The following ANXA7 variants were observed in gnomAD, a reference collection of about 807,000 sequenced individuals.
The protein encoded by ANXA7 is annexin A7, also known as annexin VII.
ANXA7 carries 55 observed loss-of-function variants against 64.9 expected under a neutral mutation model. The observed-to-expected ratio is 0.85, with a 90% CI of 0.68 to 1.06. The LOEUF (loss-of-function observed/expected upper bound fraction) is 1.06, where lower values mean the gene tolerates loss of function less well. Ranked by LOEUF, ANXA7 falls within the 50% of genes least tolerant of loss-of-function variation. The probability of loss-of-function intolerance (pLI) is 0.00; values close to 1 mark genes in which losing one functional copy is unlikely to be tolerated. For synonymous variants in ANXA7, 200 were observed against 192.4 expected, an observed-to-expected ratio of 1.04 and a Z score of -0.33; for missense variants, 548 against 582.1, an observed-to-expected ratio of 0.94 and a Z score of 0.60.
intron 5 of ANXA7, among the ~76,000 whole-genome samples, chr10:73,396,264 C>T (rs1304540736): frequency 2.0e-5 from 3 of 152,096 alleles, no homozygotes; most frequent in Non-Finnish European, 4.4e-5. Context: ...AAACCAAGAC[C>T]CCAGGTTAAT....
Position 73,383,593 on chromosome 10 carries a change from A to T in ANXA7, c.731T>A (p.Leu244Ter). The change falls in exon 8 of 13, where the codon TTA becomes TAA. Residue 244 changes from leucine to a stop codon, truncating the protein, a stop_gained. Coordinates refer to ENST00000372921, the MANE Select transcript of ANXA7 (RefSeq NM_001156.5). LOFTEE classifies it high-confidence loss of function. ...TAGTAGTACCTGCATTGCTTTCCGT[A>T]AGCTCCAGGCATCGTAATACGTAGG... is the stretch of plus-strand genomic sequence containing the variant. ...MPPTYYDAWS[L>*]RKAMQGAGTQ... 6.2e-7 allele frequency: 1 copy of T among 1,612,168 alleles called. No individual in the cohort carries two copies. Among genetic ancestry groups the T allele is most frequent in the Non-Finnish European group, 8.5e-7 (1 of 1,178,358 alleles).
intron 5 of ANXA7, chr10:73,396,248 G>A (rs751005005): frequency 4.6e-6 from 3 of 656,732 alleles, no homozygotes; most frequent in Non-Finnish European, 8.0e-6. Flanking sequence ...AGAGGAAAAA[G>A]AACTAAAACC....
intron 1 of ANXA7, among the ~76,000 whole-genome samples, chr10:73,412,795 C>CTTTTTTTTTTTTTTTTTTTTTTTTT (rs55814659): frequency 7.6e-6 from 1 of 131,626 alleles, no homozygotes; most frequent in African/African-American, 2.8e-5. Flanking sequence ...CGCGCTCGGG[C>CTTTTTTTTTTTTTTTTTTTTTTTTT]TTTTTTTTTT....
At chr10:73,408,460 A>G (rs2055792019) in intron 1 of ANXA7, 1 of 152,224 alleles carries the variant, frequency 6.6e-6, no homozygotes, top group African/African-American at 2.4e-5. Flanking sequence ...ATGCAGTTAC[A>G]GTACCAAAGA....
At chr10:73,407,077 T>C (rs1198461636) in intron 1 of ANXA7, among the ~76,000 whole-genome samples, 1 of 152,140 alleles carries the variant, frequency 6.6e-6, no homozygotes, top group African/African-American at 2.4e-5. Context: ...TAAAATAGTG[T>C]TTCTCAATGT....
At chr10:73,383,522 G>C in intron 8 of ANXA7, 55 bp downstream of exon 8, 2 of 1,412,198 alleles carry the variant, frequency 1.4e-6, no homozygotes, top group Non-Finnish European at 2.0e-6. Context: ...TAATTTGTAC[G>C]GTTTTACATA....
chr10:73,393,700 C>A (rs1161172818), intron 5 of ANXA7, among the ~76,000 whole-genome samples: 2 of 152,022 alleles, frequency 1.3e-5, no homozygotes, highest in South Asian at 2.1e-4. Flanking sequence ...CCTTATACAA[C>A]AATTAATTCA....
At position 73,383,181 on chromosome 10, in the gene ANXA7, C is replaced by A. The variant is rs780080745; in HGVS notation, c.912G>T (p.Met304Ile). 2 of 1,612,216 alleles carry A rather than the reference C, an allele frequency of 1.2e-6. No individual in the cohort carries two copies. The highest frequency in any genetic ancestry group is 4.5e-5 in the East Asian group (2 of 44,824). ...SGHFERLLVSMCQGNRDENQS... is the reference protein window; with the variant it reads ...SGHFERLLVSICQGNRDENQS... Reference sequence around the variant, plus strand: ...GCATTCATACTATACTCACCTGGCACATGGACACAAGTAAACGTTCAAAAT... The same window carrying A: ...GCATTCATACTATACTCACCTGGCAAATGGACACAAGTAAACGTTCAAAAT... Residue 304 changes from methionine to isoleucine, a missense_variant, in exon 9 of 13, where the codon ATG (methionine) becomes ATT (isoleucine). Physicochemically the swap from Met to Ile is conservative, Grantham distance 10. Transcript: ENST00000372921.
rs528031852 is a variant in ANXA7, at chr10:73,388,194, A to T, written c.538+118T>A. 4.8e-5 allele frequency: 34 copies of T among 708,450 alleles called. No individual in the cohort carries two copies. The African/African-American group carries it at 6.0e-4, about 13-fold the overall frequency. The allele number at this position is 708,450 out of a possible 1,614,324, so 43.9% of individuals were successfully genotyped here. On this transcript the variant is annotated intron_variant, in intron 6 of 12. Transcript: ENST00000372921. ...TACAAGGCACTAGACATCAGATTAAATCCAGGTATGCGCACCCAGGCTGAC... is the reference window on the plus strand; with the variant it reads ...TACAAGGCACTAGACATCAGATTAATTCCAGGTATGCGCACCCAGGCTGAC...
At chr10:73,399,841 AAAC>A (rs752393732) in intron 2 of ANXA7, among the ~76,000 whole-genome samples, 57 of 150,426 alleles carry the variant, frequency 3.8e-4, no homozygotes, top group Middle Eastern at 6.9e-3. Context: ...ACAAAAACAA[AAAC>A]AAAAAACTGA....
chr10:73,391,092 C>T (rs887656384), intron 5 of ANXA7, among the ~76,000 whole-genome samples: 2 of 150,888 alleles, frequency 1.3e-5, no homozygotes, highest in African/African-American at 2.4e-5. Flanking sequence ...CACTTGAACC[C>T]GGGAGGCGGA....
chr10:73,389,006 T>C (rs764049132), intron 5 of ANXA7, among the ~76,000 whole-genome samples: 3 of 152,142 alleles, frequency 2.0e-5, no homozygotes, highest in Non-Finnish European at 2.9e-5. Context: ...GGCAAAAGTA[T>C]AAAGAAACAG....
At chr10:73,388,197 C>T in intron 6 of ANXA7, 115 bp downstream of exon 6, 1 of 713,058 alleles carries the variant, frequency 1.4e-6, no homozygotes, top group Non-Finnish European at 2.4e-6. Context: ...AGATTAAATC[C>T]AGGTATGCGC....
intron 1 of ANXA7, among the ~76,000 whole-genome samples, chr10:73,409,869 C>G (rs1164561886): frequency 1.3e-5 from 2 of 152,126 alleles, no homozygotes; most frequent in Non-Finnish European, 2.9e-5. Context: ...CAAATACATA[C>G]AGCCAACTGC....
chr10:73,393,091 T>C (rs2055512779), intron 5 of ANXA7, among the ~76,000 whole-genome samples: 1 of 152,014 alleles, frequency 6.6e-6, no homozygotes, highest in Non-Finnish European at 1.5e-5. Context: ...ATGAGTGAAC[T>C]CCCACTCACA....
intron 5 of ANXA7, among the ~76,000 whole-genome samples, chr10:73,390,721 A>ATATATATATATATATAT (rs1564526498): frequency 3.7e-5 from 4 of 107,742 alleles, no homozygotes; most frequent in Admixed American, 1.9e-4. Context: ...TATATATATA[A>ATATATATATATATATAT]AAATATATAT....
At chr10:73,408,036 A>G (rs1343907191) in intron 1 of ANXA7, among the ~76,000 whole-genome samples, 1 of 152,218 alleles carries the variant, frequency 6.6e-6, no homozygotes. Context: ...ATGGTCAGAT[A>G]GGCCAGGCGC....
intron 9 of ANXA7, among the ~76,000 whole-genome samples, 160 bp from the exon 10 acceptor site, chr10:73,380,361 C>T (rs764581896): frequency 9.2e-5 from 14 of 151,918 alleles, no homozygotes; most frequent in Non-Finnish European, 1.6e-4. Context: ...TATCAACCTC[C>T]TAGGCTCAAG....
intron 1 of ANXA7, among the ~76,000 whole-genome samples, chr10:73,404,806 A>G (rs2055726666): frequency 6.6e-6 from 1 of 152,094 alleles, no homozygotes; most frequent in South Asian, 2.1e-4. Flanking sequence ...ATTCAAAAGA[A>G]TACCCTCTTA....
Sources: allele counts gnomAD v4.1 joint callset (sites outside exome capture counted in the v4.1 genomes callset), GRCh38; gene constraint gnomAD v4.1.1; transcripts MANE v1.5; gene names NCBI Gene and HGNC (gene_info 2026-07-23, HGNC 2026-07-21).